The following EMB variants were observed in gnomAD, a reference collection of about 807,000 sequenced individuals.
The protein encoded by EMB is embigin homolog.
A neutral mutation model predicts 41.4 loss-of-function variants in EMB; 31 were observed. The observed-to-expected ratio is 0.75, with a 90% confidence interval of 0.56 to 1.01. EMB has a LOEUF of 1.01. Among genes scored for constraint, EMB ranks in the 50% least tolerant of loss-of-function variants. The pLI is 0.00. For missense variants in EMB, 379 were observed against 388.3 expected (o/e 0.98, Z 0.20); for synonymous variants, 137 against 140.4 (o/e 0.98, Z 0.17).
intron 8 of EMB, 64 bp downstream of exon 8, chr5:50,399,795 G>T (rs1745130590): frequency 9.2e-6 from 12 of 1,301,020 alleles, no homozygotes; most frequent in Non-Finnish European, 1.3e-5. Context: ...GTAACTGATT[G>T]ATAGATAGCC....
At chr5:50,428,697 A>C in intron 1 of EMB, 1 of 985,250 alleles carries the variant, frequency 1.0e-6, no homozygotes, top group Non-Finnish European at 1.2e-6. Context: ...AAAATGGCTG[A>C]CGGGCCAGTT....
chr5:50,412,043 G>GA (rs1561133664), intron 2 of EMB: 4 of 151,976 alleles, frequency 2.6e-5, no homozygotes, highest in East Asian at 3.9e-4. Context: ...TATTTATTTT[G>GA]GATTGATTGA....
intron 2 of EMB, among the ~76,000 whole-genome samples, chr5:50,425,142 C>A (rs1232006009): frequency 6.6e-6 from 1 of 152,154 alleles, no homozygotes; most frequent in African/African-American, 2.4e-5. Context: ...TTCTCAATCA[C>A]CTGCCCCTAG....
At chr5:50,408,001 A>T (rs1288841106) in intron 4 of EMB, among the ~76,000 whole-genome samples, 1 of 152,020 alleles carries the variant, frequency 6.6e-6, no homozygotes, top group Non-Finnish European at 1.5e-5. Context: ...AATTAGGAAA[A>T]AAGATTACTC....
intron 2 of EMB, among the ~76,000 whole-genome samples, chr5:50,416,877 C>T (rs576540896): frequency 6.6e-6 from 1 of 152,220 alleles, no homozygotes; most frequent in African/African-American, 2.4e-5. Flanking sequence ...GGCAATGACC[C>T]AGAAGTTACC....
chr5:50,403,160 A>G lies in EMB; in HGVS notation c.877+18T>C, dbSNP rs1261704616. ...ATACTTTCTAAAAAAAACAAAAAAC[A>G]AAAAAAAGAAATCCCACCTGAGTGC... On this transcript the variant is annotated intron_variant, in intron 6 of 8. Transcript: ENST00000303221. 6.4e-7 allele frequency: 1 copy of G among 1,555,144 alleles called. No homozygotes were observed.
intron 2 of EMB, 126 bp from the exon 3 acceptor site, chr5:50,411,509 T>C: frequency 1.5e-6 from 1 of 667,892 alleles, no homozygotes; most frequent in Non-Finnish European, 2.4e-6. Context: ...ATTTGAAGAA[T>C]TATTCCTCTA....
At chr5:50,415,398 T>G (rs919960914) in intron 2 of EMB, among the ~76,000 whole-genome samples, 2 of 152,168 alleles carry the variant, frequency 1.3e-5, no homozygotes, top group Non-Finnish European at 2.9e-5. Context: ...TTTCCTTATT[T>G]GTAAGGTGGG....
intron 7 of EMB, among the ~76,000 whole-genome samples, chr5:50,400,159 C>A (rs1292292501): frequency 6.6e-6 from 1 of 151,948 alleles, no homozygotes; most frequent in Non-Finnish European, 1.5e-5. Flanking sequence ...TGCTTCTCCC[C>A]AAGCATGAGT....
intron 1 of EMB, among the ~76,000 whole-genome samples, chr5:50,434,934 T>C (rs565324160): frequency 6.6e-5 from 10 of 152,372 alleles, no homozygotes; most frequent in Admixed American, 4.6e-4. Context: ...TATTGTGCCA[T>C]ATGTGAGACC....
intron 2 of EMB, among the ~76,000 whole-genome samples, chr5:50,413,866 G>T (rs1358729632): frequency 2.0e-5 from 3 of 152,006 alleles, no homozygotes; most frequent in Non-Finnish European, 4.4e-5. Flanking sequence ...ACCTGGCCTG[G>T]TTTTTTCAAT....
chr5:50,432,938 C>T lies in EMB; in HGVS notation c.113-4711G>A, dbSNP rs1473406692. Among the ~76,000 whole-genome samples the T allele has an allele frequency of 2.2e-4, 33 of 151,860 alleles. 1 individual carries two copies. Among genetic ancestry groups the T allele is most frequent in the Admixed American group, 1.3e-4 (2 of 15,250 alleles). On this transcript the variant is annotated intron_variant, in intron 1 of 8. Transcript: ENST00000303221. Reference sequence around the variant, plus strand: ...CTAAAAATACAAAAAATTAGCCAGGCATGGTGGCATGCACCTGTGGTCCCA... The same window carrying T: ...CTAAAAATACAAAAAATTAGCCAGGTATGGTGGCATGCACCTGTGGTCCCA...
chr5:50,406,061 A>G (rs1281889905), intron 4 of EMB, among the ~76,000 whole-genome samples: 1 of 151,902 alleles, frequency 6.6e-6, no homozygotes, highest in Non-Finnish European at 1.5e-5. Flanking sequence ...TCTCCAATGT[A>G]TAGAAATGGA....
chr5:50,425,842 C>G (rs1021409429), intron 2 of EMB, among the ~76,000 whole-genome samples: 1 of 151,922 alleles, frequency 6.6e-6, no homozygotes, highest in Non-Finnish European at 1.5e-5. Flanking sequence ...CACCACCACA[C>G]TTGGCTAATT....
At chr5:50,413,072 G>A (rs1470244588) in intron 2 of EMB, among the ~76,000 whole-genome samples, 7 of 151,222 alleles carry the variant, frequency 4.6e-5, no homozygotes, top group Non-Finnish European at 7.4e-5. Context: ...GCGCCCACGC[G>A]CACACACACA....
In EMB at chr5:50,441,033, A is replaced by G. The variant is rs1314445811; in HGVS notation, c.112+7T>C. The G allele has an allele frequency of 1.0e-5, 15 of 1,486,472 alleles. No homozygotes were observed. In the East Asian group the frequency reaches 3.8e-4, roughly 38 times the overall value. 92.1% of individuals were successfully genotyped at this position (1,486,472 alleles called of 1,614,324 possible). A position where few individuals can be genotyped will look rare whatever the true frequency, so the allele number is the denominator to read the frequency against. ...CCTCCCTACCCTGGACCCTGTACCC[A>G]TCACACCTGGGGCACTGCCGTCCGC... On this transcript the variant is annotated splice_region_variant and intron_variant, in intron 1 of 8. Transcript: ENST00000303221.
At chr5:50,413,546 T>C (rs1745378548) in intron 2 of EMB, among the ~76,000 whole-genome samples, 2 of 151,944 alleles carry the variant, frequency 1.3e-5, no homozygotes, top group African/African-American at 4.8e-5. Flanking sequence ...GGGAAAATTC[T>C]ACAAATAAAT....
At chr5:50,440,910 G>T (rs1232801636) in intron 1 of EMB, 130 bp downstream of exon 1, 2 of 533,604 alleles carry the variant, frequency 3.7e-6, no homozygotes, top group Non-Finnish European at 2.9e-6. Context: ...TCTCCCACCC[G>T]CCCTTACCAG....
At chr5:50,420,804 A>C (rs190916710) in intron 2 of EMB, among the ~76,000 whole-genome samples, 176 of 152,302 alleles carry the variant, frequency 1.2e-3, no homozygotes, top group Admixed American at 3.8e-3. Context: ...CAGATAAGGC[A>C]CTTTCCCTTA....
Sources: gnomAD v4.1 joint callset for allele counts (sites outside exome capture counted in the v4.1 genomes callset) on GRCh38, gnomAD v4.1.1 for gene constraint, MANE v1.5 for transcripts, NCBI Gene and HGNC (gene_info 2026-07-23, HGNC 2026-07-21) for gene names.